Variants in GPATCH2 observed in about 807,000 individuals in gnomAD.
The protein encoded by GPATCH2 is G-patch domain containing 2.
In GPATCH2, 51 loss-of-function variants were observed where a neutral mutation model predicts 58.0. That is an observed-to-expected ratio of 0.88 (90% CI 0.70 to 1.11). The LOEUF (loss-of-function observed/expected upper bound fraction) is 1.11, where lower values mean the gene tolerates loss of function less well. Ranked by LOEUF, GPATCH2 falls within the 50% of genes most tolerant of loss-of-function variation. The pLI is 0.00. For synonymous variants in GPATCH2, 222 were observed against 218.5 expected, an observed-to-expected ratio of 1.02 and a Z score of -0.14; for missense variants, 625 against 652.2, an observed-to-expected ratio of 0.96 and a Z score of 0.45.
At chr1:217,534,157 AGT>A (rs1398518009) in intron 5 of GPATCH2, among the ~76,000 whole-genome samples, 1 of 152,182 alleles carries the variant, frequency 6.6e-6, no homozygotes, top group Non-Finnish European at 1.5e-5. Context: ...TGGAGGTTGC[AGT>A]GAGCCAAGAT....
intron 6 of GPATCH2, chr1:217,498,881 C>A (rs1012485696): frequency 5.2e-6 from 1 of 192,198 alleles, no homozygotes; most frequent in African/African-American, 2.4e-5. Flanking sequence ...AGCTGAGGTA[C>A]CTTGGACCTA....
At chr1:217,444,700 A>G (rs1464384981) in intron 9 of GPATCH2, among the ~76,000 whole-genome samples, 1 of 152,180 alleles carries the variant, frequency 6.6e-6, no homozygotes, top group Admixed American at 6.5e-5. Flanking sequence ...ATTCATTCAG[A>G]TAGAGTCTGG....
At chr1:217,525,610 T>C (rs889517449) in intron 5 of GPATCH2, among the ~76,000 whole-genome samples, 1 of 152,182 alleles carries the variant, frequency 6.6e-6, no homozygotes, top group African/African-American at 2.4e-5. Context: ...TAGAGCCTAT[T>C]ATATAAAAGA....
At chr1:217,582,747 C>T (rs918123202) in intron 5 of GPATCH2, among the ~76,000 whole-genome samples, 2 of 152,148 alleles carry the variant, frequency 1.3e-5, no homozygotes, top group Non-Finnish European at 2.9e-5. Flanking sequence ...ATAAAACTAG[C>T]CAGCAGGTCA....
intron 5 of GPATCH2, among the ~76,000 whole-genome samples, chr1:217,526,006 G>C (rs1663886906): frequency 1.3e-5 from 2 of 152,020 alleles, no homozygotes; most frequent in South Asian, 4.2e-4. Flanking sequence ...ATCATCCATT[G>C]TGCATACTTT....
At chr1:217,463,245 T>A (rs1660277641) in intron 8 of GPATCH2, among the ~76,000 whole-genome samples, 1 of 152,172 alleles carries the variant, frequency 6.6e-6, no homozygotes, top group African/African-American at 2.4e-5. Context: ...GTCATTTATG[T>A]TAACATGGCA....
chr1:217,555,452 G>C (rs1466837220), intron 5 of GPATCH2, among the ~76,000 whole-genome samples: 1 of 152,052 alleles, frequency 6.6e-6, no homozygotes. Context: ...ATTTGCTCCT[G>C]CTTGTACGTT....
intron 5 of GPATCH2, among the ~76,000 whole-genome samples, chr1:217,597,066 T>C (rs1667866942): frequency 6.6e-6 from 1 of 151,920 alleles, no homozygotes; most frequent in African/African-American, 2.4e-5. Flanking sequence ...TGGTGGCTCA[T>C]ACCCGTAATC....
intron 5 of GPATCH2, among the ~76,000 whole-genome samples, chr1:217,582,354 C>A (rs954501482): frequency 1.3e-5 from 2 of 151,708 alleles, no homozygotes; most frequent in Admixed American, 1.3e-4. Context: ...AAATTTTTAC[C>A]AGGTATTTTC....
At chr1:217,474,974 C>A (rs1223208962) in intron 8 of GPATCH2, among the ~76,000 whole-genome samples, 2 of 152,124 alleles carry the variant, frequency 1.3e-5, no homozygotes, top group Non-Finnish European at 2.9e-5. Flanking sequence ...TTTTATCTTG[C>A]ATTTAACAAA....
At chr1:217,630,830 C>A (rs1260156064) in intron 1 of GPATCH2, 86 bp downstream of exon 1, 1 of 962,300 alleles carries the variant, frequency 1.0e-6, no homozygotes, top group Non-Finnish European at 1.6e-6. Flanking sequence ...ACAGCTCCCT[C>A]CCGCCTCCAT....
intron 5 of GPATCH2, among the ~76,000 whole-genome samples, chr1:217,603,298 C>T (rs1035229273): frequency 2.6e-5 from 4 of 152,038 alleles, no homozygotes; most frequent in African/African-American, 9.7e-5. Context: ...ATTTTGGTAA[C>T]ATTAAAATAC....
At chr1:217,573,919 G>A (rs1666684789) in intron 5 of GPATCH2, among the ~76,000 whole-genome samples, 1 of 152,312 alleles carries the variant, frequency 6.6e-6, no homozygotes, top group African/African-American at 2.4e-5. Context: ...AGAACAAGCT[G>A]TAGGAAAAGC....
chr1:217,611,636 T>C (rs944078810), intron 3 of GPATCH2, among the ~76,000 whole-genome samples: 3 of 152,114 alleles, frequency 2.0e-5, no homozygotes, highest in Admixed American at 2.0e-4. Context: ...CAGATATAGG[T>C]ATATAATTAG....
intron 1 of GPATCH2, among the ~76,000 whole-genome samples, chr1:217,627,134 C>T (rs1400685087): frequency 2.6e-5 from 4 of 152,126 alleles, no homozygotes; most frequent in African/African-American, 7.2e-5. Flanking sequence ...TCATAAAAAT[C>T]TGCATAATTT....
At chr1:217,542,092 T>A (rs1431289490) in intron 5 of GPATCH2, among the ~76,000 whole-genome samples, 1 of 152,166 alleles carries the variant, frequency 6.6e-6, no homozygotes, top group Non-Finnish European at 1.5e-5. Context: ...TACCCTGAAG[T>A]CAAAAGGGTC....
chr1:217,510,794 GA>G (rs894508526), intron 6 of GPATCH2, among the ~76,000 whole-genome samples: 1 of 151,702 alleles, frequency 6.6e-6, no homozygotes, highest in South Asian at 2.1e-4. Flanking sequence ...ACCAGTTGCT[GA>G]AAAAAAAGAA....
chr1:217,472,505 T>A (rs1197530844), intron 8 of GPATCH2, among the ~76,000 whole-genome samples: 3 of 152,078 alleles, frequency 2.0e-5, no homozygotes, highest in African/African-American at 7.2e-5. Flanking sequence ...GGTTTCACTG[T>A]GTTAGCCAAG....
Position 217,514,817 on chromosome 1 carries a change from C to G in GPATCH2, c.1166+5G>C. ...TAAGGTTATATAAACACACTGAGTA[C>G]TCACTCATGGTGATGAGAATCCGGG... On this transcript the variant is annotated splice_donor_5th_base_variant and intron_variant, in intron 6 of 9. Transcript: ENST00000366935. The G allele has an allele frequency of 7.2e-7, 1 of 1,385,240 alleles. No individual in the cohort carries two copies. Among genetic ancestry groups the G allele is most frequent in the Non-Finnish European group, 1.0e-6 (1 of 971,724 alleles). 85.8% of individuals were successfully genotyped at this position (1,385,240 alleles called of 1,614,324 possible). A position where few individuals can be genotyped will look rare whatever the true frequency, so the allele number is the denominator to read the frequency against.
Sources: gnomAD v4.1 joint callset for allele counts (sites outside exome capture counted in the v4.1 genomes callset) on GRCh38, gnomAD v4.1.1 for gene constraint, MANE v1.5 for transcripts, NCBI Gene and HGNC (gene_info 2026-07-23, HGNC 2026-07-21) for gene names.